The following TTC7A variants were observed in gnomAD, a reference collection of about 807,000 sequenced individuals.
TTC7A encodes tetratricopeptide repeat protein 7A.
TTC7A carries 110 observed loss-of-function variants against 103.7 expected under a neutral mutation model. The ratio of observed to expected loss-of-function variants is 1.06; its 90% confidence interval spans 0.91 to 1.24. The LOEUF is 1.24. Ranked by LOEUF, TTC7A falls within the 50% of genes most tolerant of loss-of-function variation. The pLI, the probability that TTC7A is intolerant of heterozygous loss-of-function variation, is 0.00. For missense variants in TTC7A, 1,340 were observed against 1,116.3 expected, an observed-to-expected ratio of 1.20 and a Z score of -2.86; for synonymous variants, 521 against 467.9, an observed-to-expected ratio of 1.11 and a Z score of -1.47.
intron 3 of TTC7A, 103 bp from the exon 4 acceptor site, chr2:46,974,868 CAG>C: frequency 6.7e-7 from 1 of 1,496,596 alleles, no homozygotes. Context: ...CTGGCTGCAC[CAG>C]AGTGTCTGCC....
At chr2:47,014,044 C>A (rs951831357) in intron 11 of TTC7A, among the ~76,000 whole-genome samples, 1 of 152,158 alleles carries the variant, frequency 6.6e-6, no homozygotes, top group African/African-American at 2.4e-5. Flanking sequence ...TTCTTGAGTG[C>A]AGGAATTATC....
At chr2:46,975,387 T>G (rs1673776248) in intron 4 of TTC7A, among the ~76,000 whole-genome samples, 1 of 151,958 alleles carries the variant, frequency 6.6e-6, no homozygotes, top group South Asian at 2.1e-4. Flanking sequence ...ACCATTTCTT[T>G]CCCTGGCAGG....
intron 17 of TTC7A, 58 bp downstream of exon 17, chr2:47,050,104 T>G (rs1446212935): frequency 7.1e-7 from 1 of 1,409,624 alleles, no homozygotes. Flanking sequence ...CACTCCCAGC[T>G]TGAGAGCACC....
chr2:47,053,185 G>T (rs1474000299), intron 18 of TTC7A, among the ~76,000 whole-genome samples: 1 of 151,938 alleles, frequency 6.6e-6, no homozygotes, highest in Non-Finnish European at 1.5e-5. Flanking sequence ...GTGGGCGGAG[G>T]CTGCACTTGC....
At chr2:47,044,990 G>A (rs978509563) in intron 15 of TTC7A, among the ~76,000 whole-genome samples, 3 of 152,304 alleles carry the variant, frequency 2.0e-5, no homozygotes, top group African/African-American at 7.2e-5. Context: ...CGCAGTCTGG[G>A]TAGGGACCCT....
At chr2:47,021,805 C>A in intron 11 of TTC7A, 57 bp from the exon 12 acceptor site, 2 of 1,390,416 alleles carry the variant, frequency 1.4e-6, no homozygotes, top group South Asian at 2.3e-5. Context: ...GGGAGTCATT[C>A]ACTGGTAGAG....
intron 3 of TTC7A, chr2:46,974,535 G>A (rs1673663645): frequency 2.5e-6 from 1 of 397,628 alleles, no homozygotes; most frequent in African/African-American, 2.1e-5. Flanking sequence ...ACATGGATAA[G>A]CTTGCTGTGT....
At chr2:47,040,697 T>C (rs1681642101) in intron 15 of TTC7A, among the ~76,000 whole-genome samples, 1 of 151,872 alleles carries the variant, frequency 6.6e-6, no homozygotes, top group South Asian at 2.1e-4. Context: ...AAAGCAGGAG[T>C]CCCTTCCCTG....
intron 3 of TTC7A, among the ~76,000 whole-genome samples, chr2:46,963,502 T>A (rs909651279): frequency 1.3e-5 from 2 of 152,194 alleles, no homozygotes; most frequent in Non-Finnish European, 2.9e-5. Flanking sequence ...GATGGCAAAG[T>A]CCTCACTGCC....
intron 18 of TTC7A, among the ~76,000 whole-genome samples, chr2:47,057,593 G>C (rs1331654259): frequency 6.6e-6 from 1 of 152,218 alleles, no homozygotes; most frequent in Non-Finnish European, 1.5e-5. Flanking sequence ...GTAGACCAGG[G>C]GAGTGGGGAG....
intron 2 of TTC7A, chr2:46,956,604 A>G: frequency 1.8e-6 from 1 of 550,486 alleles, no homozygotes; most frequent in Non-Finnish European, 3.3e-6. Context: ...AAACGCACAC[A>G]CATGAAACAA....
chr2:46,995,816 A>T (rs929614032), intron 8 of TTC7A, among the ~76,000 whole-genome samples: 1 of 152,240 alleles, frequency 6.6e-6, no homozygotes, highest in African/African-American at 2.4e-5. Context: ...CAAAATGGAG[A>T]AAAGTCCTTT....
At chr2:46,929,420 G>C (rs1669576039) in intron 2 of TTC7A, among the ~76,000 whole-genome samples, 1 of 152,114 alleles carries the variant, frequency 6.6e-6, no homozygotes, top group African/African-American at 2.4e-5. Flanking sequence ...GAAGTTTGGG[G>C]CTGCAGTGAG....
chr2:46,957,024 G>A lies in TTC7A; in HGVS notation c.517+17G>A. Reference sequence around the variant, plus strand: ...TCATCAAAGGTAGCTGTGGGCACCAGCCTGGGCTCCCCTCCACTGTGTGCA... The same window carrying A: ...TCATCAAAGGTAGCTGTGGGCACCAACCTGGGCTCCCCTCCACTGTGTGCA... On this transcript the variant is annotated intron_variant, in intron 3 of 19. Coordinates refer to ENST00000319190, the MANE Select transcript of TTC7A (RefSeq NM_020458.4). The A allele has an allele frequency of 6.2e-7, 1 of 1,614,022 alleles. No homozygotes were observed. Among genetic ancestry groups the A allele is most frequent in the Non-Finnish European group, 8.5e-7 (1 of 1,179,926 alleles).
At chr2:47,057,141 C>T (rs1192481833) in intron 18 of TTC7A, among the ~76,000 whole-genome samples, 1 of 152,194 alleles carries the variant, frequency 6.6e-6, no homozygotes, top group Admixed American at 6.5e-5. Context: ...GGCATCTGCT[C>T]AGGGACACTG....
intron 3 of TTC7A, among the ~76,000 whole-genome samples, chr2:46,963,495 GGCAAAGTCCTCACT>G (rs1672568909): frequency 6.6e-6 from 1 of 152,106 alleles, no homozygotes; most frequent in Non-Finnish European, 1.5e-5. Context: ...GCTTGGAGAT[GGCAAAGTCCTCACT>G]GCCCCACCTG....
At chr2:47,043,966 G>A (rs1412757433) in intron 15 of TTC7A, among the ~76,000 whole-genome samples, 7 of 152,222 alleles carry the variant, frequency 4.6e-5, no homozygotes, top group Admixed American at 4.6e-4. Flanking sequence ...CTCTGGCAGA[G>A]AGAAGTGTGA....
At chr2:47,006,554 C>A in intron 9 of TTC7A, 87 bp from the exon 10 acceptor site, 1 of 1,224,522 alleles carries the variant, frequency 8.2e-7, no homozygotes, top group Non-Finnish European at 1.2e-6. Flanking sequence ...AAAGCGGTGA[C>A]TTGGGCAGTA....
chr2:46,923,336 T>G (rs919823824), intron 2 of TTC7A, among the ~76,000 whole-genome samples: 1 of 151,228 alleles, frequency 6.6e-6, no homozygotes, highest in African/African-American at 2.5e-5. Flanking sequence ...ACCTTGGTCT[T>G]TCCAGTAAAG....
Sources: gnomAD v4.1 joint callset for allele counts (sites outside exome capture counted in the v4.1 genomes callset) on GRCh38, gnomAD v4.1.1 for gene constraint, MANE v1.5 for transcripts, NCBI Gene and HGNC (gene_info 2026-07-23, HGNC 2026-07-21) for gene names.